Variants in PRRC2B observed in about 807,000 individuals in gnomAD.
PRRC2B encodes the protein proline rich coiled-coil 2B.
Under a neutral mutation model 242.3 loss-of-function variants are expected in PRRC2B, and 68 were observed. That is an observed-to-expected ratio of 0.28 (90% CI 0.23 to 0.34). PRRC2B has a LOEUF of 0.34. Ranked by LOEUF, PRRC2B falls within the 10% of genes least tolerant of loss-of-function variation. The probability of loss-of-function intolerance (pLI) is 1.00; values close to 1 mark genes in which losing one functional copy is unlikely to be tolerated. For synonymous variants in PRRC2B, 1,228 were observed against 1,173.6 expected (o/e 1.05, Z -0.95); for missense variants, 2,835 against 2,954.8 (o/e 0.96, Z 0.94).
intron 3 of PRRC2B, among the ~76,000 whole-genome samples, chr9:131,435,983 G>A (rs1277486911): frequency 6.6e-6 from 1 of 152,178 alleles, no homozygotes; most frequent in Non-Finnish European, 1.5e-5. Flanking sequence ...TTATTTATAA[G>A]TTTATTTTTA....
At chr9:131,478,059 C>A in intron 17 of PRRC2B, 110 bp downstream of exon 17, 1 of 909,252 alleles carries the variant, frequency 1.1e-6, no homozygotes, top group African/African-American at 1.6e-5. Context: ...GCTTTCGGAA[C>A]AGCTCGGCCA....
In PRRC2B at chr9:131,437,650, G is replaced by T. The variant is rs115411216; in HGVS notation, c.396+928G>T. ...CCCTCTCTGCTTTAACCATACTCAG[G>T]GAAGTCTGTGGCTTTGCCAGGGCAC... On this transcript the variant is annotated intron_variant, in intron 4 of 31. Transcript: ENST00000683519. Among the ~76,000 whole-genome samples, 438 of 152,320 alleles carry T rather than the reference G, an allele frequency of 2.9e-3. 1 individual carries two copies. The highest frequency in any genetic ancestry group is 0.014 in the Middle Eastern group (4 of 294).
At position 131,500,044 on chromosome 9, in the gene PRRC2B, C is replaced by T. The variant is rs554595227; in HGVS notation, c.*4170C>T. ...ACTTACCTTGGATGGGAAATCGAAT[C>T]GTGGATTCACCAGGCCGGTGCTGGC... On this transcript the variant is annotated 3_prime_UTR_variant, in exon 32 of 32. Transcript: ENST00000683519. 5 of 152,250 alleles carry T rather than the reference C, an allele frequency of 3.3e-5. No individual in the cohort carries two copies. In the East Asian group the frequency reaches 9.6e-4, roughly 29 times the overall value. The allele number at this position is 152,250 out of a possible 1,614,324, so 9.4% of individuals were successfully genotyped here. A position where few individuals can be genotyped will look rare whatever the true frequency, so the allele number is the denominator to read the frequency against.
chr9:131,455,198 G>A, intron 10 of PRRC2B, 32 bp downstream of exon 10: 1 of 1,439,042 alleles, frequency 6.9e-7, no homozygotes, highest in Non-Finnish European at 9.8e-7. Context: ...ATCAGCATGA[G>A]TGCATCCCTG....
intron 28 of PRRC2B, chr9:131,490,406 A>G: frequency 5.8e-6 from 3 of 517,102 alleles, no homozygotes; most frequent in South Asian, 2.8e-5. Context: ...AAATGGCAGC[A>G]TCTTCCCATC....
intron 1 of PRRC2B, among the ~76,000 whole-genome samples, chr9:131,401,524 A>G (rs12376290): frequency 0.27 from 40,868 of 150,590 alleles, 7,018 homozygotes; most frequent in East Asian, 0.6. Context: ...TAATTTTTGT[A>G]TTTTTTTGTA....
chr9:131,422,944 C>T (rs1474347413), intron 1 of PRRC2B, among the ~76,000 whole-genome samples: 2 of 152,106 alleles, frequency 1.3e-5, no homozygotes, highest in African/African-American at 4.8e-5. Context: ...TTTAGGCTGG[C>T]AAGTTTCAGA....
At chr9:131,427,213 G>A (rs72770796) in intron 1 of PRRC2B, among the ~76,000 whole-genome samples, 308 of 152,324 alleles carry the variant, frequency 2.0e-3, no homozygotes, top group African/African-American at 7.1e-3. Context: ...GATGGTTTGC[G>A]CACTTGCGTG....
intron 10 of PRRC2B, among the ~76,000 whole-genome samples, chr9:131,458,920 C>T (rs1156897255): frequency 6.6e-6 from 1 of 152,056 alleles, no homozygotes; most frequent in African/African-American, 2.4e-5. Flanking sequence ...ATCATGAGGA[C>T]TTTTTTTTGC....
Position 131,473,567 on chromosome 9 carries a change from G to T in PRRC2B, c.2167G>T (p.Asp723Tyr), listed in dbSNP as rs1402285620. Reference protein sequence around the residue: ...SLNGTGCRSEDQNCVPPLQER... With the variant: ...SLNGTGCRSEYQNCVPPLQER... ...CAATGGGACAGGCTGTCGCTCTGAG[G>T]ATCAGAACTGTGTGCCCCCACTCCA... Residue 723 changes from aspartate (D) to tyrosine (Y), a missense_variant, in exon 15 of 32, where the codon GAT becomes TAT. Physicochemically the swap from Asp to Tyr is radical, Grantham distance 160. Around this residue, in one of 7 missense-constraint regions of PRRC2B, gnomAD observed 1,536 missense variants for 1,483.1 expected, o/e 1.04. Coordinates refer to ENST00000683519, the MANE Select transcript of PRRC2B (RefSeq NM_013318.4). 2 of 1,610,942 alleles carry T rather than the reference G, an allele frequency of 1.2e-6. No individual in the cohort carries two copies. Among genetic ancestry groups the T allele is most frequent in the Admixed American group, 1.7e-5 (1 of 59,676 alleles).
At chr9:131,430,343 A>G (rs1838099906) in intron 2 of PRRC2B, 84 bp downstream of exon 2, 3 of 805,886 alleles carry the variant, frequency 3.7e-6, no homozygotes, top group South Asian at 1.5e-5. Flanking sequence ...ACCTGGTTAG[A>G]CAGATGTGGT....
chr9:131,379,996 A>AT (rs367676624), intron 1 of PRRC2B, among the ~76,000 whole-genome samples: 1,652 of 124,766 alleles, frequency 0.013, 11 homozygotes, highest in Non-Finnish European at 0.021. Flanking sequence ...ATATATAATA[A>AT]TTTTTTTTTT....
At chr9:131,458,225 C>T (rs1256950778) in intron 10 of PRRC2B, among the ~76,000 whole-genome samples, 2 of 152,084 alleles carry the variant, frequency 1.3e-5, no homozygotes, top group African/African-American at 4.8e-5. Flanking sequence ...GAGCAACTGG[C>T]TTGTGCAGAG....
chr9:131,485,130 T>C lies in PRRC2B; in HGVS notation c.5748T>C (p.Ala1916=). 1 of 1,585,624 alleles carries C rather than the reference T, an allele frequency of 6.3e-7. No homozygotes were observed. The highest frequency in any genetic ancestry group is 8.6e-7 in the Non-Finnish European group (1 of 1,163,806). ...PMPVASVAPS[A]SMPGSHLPPL... ...CTGTGGCCTCTGTAGCACCTTCTGC[T>C]TCTATGCCAGGTATCTCATCCCCTG... The change falls in exon 25 of 32, where the codon GCT becomes GCC. Residue 1916 remains alanine (A), a synonymous_variant. Transcript: ENST00000683519.
rs1267702764 is a variant in PRRC2B at position 131,399,892 on chromosome 9, C to T, written c.-52+5629C>T. ...TTTAGATTATTGTTGCCCTCTTTTC[C>T]CTCCTATAAGAGAAACTGTAGGGAG... On this transcript the variant is annotated intron_variant, in intron 1 of 31. Coordinates refer to ENST00000683519, the MANE Select transcript of PRRC2B (RefSeq NM_013318.4). 3.9e-5 allele frequency among the ~76,000 whole-genome samples: 6 copies of T among 152,170 alleles called. No individual in the cohort carries two copies. In the South Asian group the frequency reaches 6.2e-4, roughly 16 times the overall value.
chr9:131,438,862 G>T, intron 4 of PRRC2B, 127 bp from the exon 5 acceptor site: 1 of 687,984 alleles, frequency 1.5e-6, no homozygotes, highest in Non-Finnish European at 2.6e-6. Flanking sequence ...TCAGAAAGTG[G>T]TGGTGGATGG....
Position 131,498,313 on chromosome 9 carries a change from T to C in PRRC2B, c.*2439T>C, listed in dbSNP as rs1312822019. ...AATGTTTCACTGCTCTATTTATATATAATGTCTGAATTAATTCTGTGCAGG... is the reference window on the plus strand; with the variant it reads ...AATGTTTCACTGCTCTATTTATATACAATGTCTGAATTAATTCTGTGCAGG... On this transcript the variant is annotated 3_prime_UTR_variant, in exon 32 of 32. Transcript: ENST00000683519. The C allele has an allele frequency of 6.6e-6, 1 of 152,196 alleles. No homozygotes were observed. Among genetic ancestry groups the C allele is most frequent in the Non-Finnish European group, 1.5e-5 (1 of 68,032 alleles). 9.4% of individuals were successfully genotyped at this position (152,196 alleles called of 1,614,324 possible).
rs139250391 is a variant in PRRC2B at position 131,406,037 on chromosome 9, G to C, written c.-52+11774G>C. ...AGAGTTGATAGGGCACCTGGCACAA[G>C]ACAGCAGGCTCTCCATAGACCGCAG... is the stretch of plus-strand genomic sequence containing the variant. On this transcript the variant is annotated intron_variant, in intron 1 of 31. Transcript: ENST00000683519. 1.6e-4 allele frequency among the ~76,000 whole-genome samples: 25 copies of C among 152,326 alleles called. No individual in the cohort carries two copies. The East Asian group carries it at 4.8e-3, about 29-fold the overall frequency.
intron 1 of PRRC2B, among the ~76,000 whole-genome samples, chr9:131,428,696 C>T (rs1417658796): frequency 1.3e-5 from 2 of 152,050 alleles, no homozygotes; most frequent in African/African-American, 2.4e-5. Flanking sequence ...CATGCCCGGC[C>T]TATTTTAATT....
Sources: allele counts gnomAD v4.1 joint callset (sites outside exome capture counted in the v4.1 genomes callset), GRCh38; gene constraint gnomAD v4.1.1; regional missense constraint gnomAD v4.1.1; transcripts MANE v1.5; gene names NCBI Gene and HGNC (gene_info 2026-07-23, HGNC 2026-07-21).